SMARCA2: variants seen among roughly 807,000 people sequenced by gnomAD.
The protein encoded by SMARCA2 is SWI/SNF-related matrix-associated actin-dependent regulator of chromatin subfamily A member 2.
Under a neutral mutation model 199.8 loss-of-function variants are expected in SMARCA2, and 61 were observed. The observed-to-expected ratio is 0.31, with a 90% CI of 0.25 to 0.38. SMARCA2 has a LOEUF of 0.38. Among genes scored for constraint, SMARCA2 ranks in the 10% least tolerant of loss-of-function variants. The pLI, the probability that SMARCA2 is intolerant of heterozygous loss-of-function variation, is 1.00. For synonymous variants in SMARCA2, 935 were observed against 732.0 expected, an observed-to-expected ratio of 1.28 and a Z score of -4.48; for missense variants, 1,344 against 2,012.2, an observed-to-expected ratio of 0.67 and a Z score of 6.35.
intron 27 of SMARCA2, among the ~76,000 whole-genome samples, chr9:2,142,571 A>G (rs1347865558): frequency 6.6e-6 from 1 of 152,196 alleles, no homozygotes; most frequent in East Asian, 1.9e-4. Context: ...AGGTCAGTCC[A>G]AACCAATGGC....
intron 27 of SMARCA2, among the ~76,000 whole-genome samples, chr9:2,156,824 C>T (rs1026790488): frequency 1.3e-5 from 2 of 152,146 alleles, no homozygotes; most frequent in Admixed American, 6.6e-5. Context: ...AGAACTTTTC[C>T]GTTATCTCAA....
chr9:2,156,716 C>A (rs7850694), intron 27 of SMARCA2, among the ~76,000 whole-genome samples: 116,764 of 152,036 alleles, frequency 0.77, 45,065 homozygotes, highest in Middle Eastern at 0.82. Context: ...CAGGCATGAG[C>A]CACCGTACCT....
intron 1 of SMARCA2, chr9:2,021,959 C>G (rs1024572449): frequency 6.6e-6 from 1 of 151,714 alleles, no homozygotes; most frequent in African/African-American, 2.4e-5. Flanking sequence ...AAGAAAGCCC[C>G]GAGATCACAG....
chr9:2,185,874 C>A (rs897474641), intron 31 of SMARCA2, among the ~76,000 whole-genome samples: 1 of 152,286 alleles, frequency 6.6e-6, no homozygotes, highest in South Asian at 2.1e-4. Flanking sequence ...AGCATCCATG[C>A]ACTTTGAAAT....
chr9:2,025,522 C>G (rs572675725), intron 1 of SMARCA2, among the ~76,000 whole-genome samples: 18 of 152,288 alleles, frequency 1.2e-4, no homozygotes, highest in Admixed American at 4.6e-4. Context: ...TCTGGGCCCT[C>G]TCCTCCAGCC....
In SMARCA2 at chr9:2,060,907, C is replaced by A; in HGVS notation, c.1613C>A (p.Ala538Asp). The change falls in exon 9 of 34, where the codon GCC becomes GAC. Residue 538 changes from alanine to aspartate, a missense_variant. By Grantham distance (126) the Ala-to-Asp change is moderately radical. Transcript: ENST00000349721. ...YLLQQTDEYV[A>D]NLTNLVWEHK... ...TTGCAGCAGACCGATGAGTATGTAG[C>A]CAATCTGACCAATCTGGTTTGGGAG... The A allele has an allele frequency of 6.2e-7, 1 of 1,614,078 alleles. No homozygotes were observed. Among genetic ancestry groups the A allele is most frequent in the Non-Finnish European group, 8.5e-7 (1 of 1,179,984 alleles).
intron 9 of SMARCA2, chr9:2,069,040 C>T (rs565967345): frequency 1.3e-5 from 2 of 151,918 alleles, no homozygotes; most frequent in East Asian, 4.0e-4. Context: ...CCTCAGCCTC[C>T]TGAGTAGCTG....
chr9:2,087,785 G>A (rs892601190), intron 18 of SMARCA2, among the ~76,000 whole-genome samples: 3 of 152,148 alleles, frequency 2.0e-5, no homozygotes, highest in Admixed American at 6.5e-5. Context: ...GTAAAATTTC[G>A]GTTTGAATTA....
In SMARCA2 at chr9:2,032,972, C is replaced by T. The variant is rs181403075; in HGVS notation, c.246C>T (p.Asp82=). The change falls in exon 3 of 34, where the codon GAC becomes GAT. Residue 82 remains aspartate, a synonymous_variant. Transcript: ENST00000349721. ...TTCAGCCCATCGATGGTATACATGA[C>T]AAGGGGATTGTAGAAGACATCCATT... ...QMHKPIDGIH[D]KGIVEDIHCG... is the part of the protein sequence containing the mutation. 1.8e-4 allele frequency: 283 copies of T among 1,613,828 alleles called. No homozygotes were observed. In the East Asian group the frequency reaches 4.9e-3, roughly 28 times the overall value.
intron 27 of SMARCA2, among the ~76,000 whole-genome samples, chr9:2,151,220 C>A (rs1825057468): frequency 6.6e-6 from 1 of 151,472 alleles, no homozygotes; most frequent in African/African-American, 2.4e-5. Context: ...GCACAGACAG[C>A]AAAGTATGTA....
In SMARCA2 at chr9:2,191,326, G is replaced by C. The variant is rs1827866949; in HGVS notation, c.4655G>C (p.Gly1552Ala). 1 of 1,614,044 alleles carries C rather than the reference G, an allele frequency of 6.2e-7. No individual in the cohort carries two copies. The highest frequency in any genetic ancestry group is 8.5e-7 in the Non-Finnish European group (1 of 1,180,040). Residue 1552 changes from glycine (G) to alanine (A), a missense_variant, in exon 33 of 34, where the codon GGG becomes GCG. Gly to Ala is a moderately conservative substitution (Grantham distance 60). Around this residue, in one of 18 missense-constraint regions of SMARCA2, gnomAD observed 155 missense variants for 121.1 expected, o/e 1.28. Transcript: ENST00000349721. ...AAAGATGACAAAGGCCGGGACAAAG[G>C]GAAAGGCAAGAAAAGGCCAAATCGA... ...NKKDDKGRDK[G>A]KGKKRPNRGK... is the part of the protein sequence containing the mutation.
intron 1 of SMARCA2, among the ~76,000 whole-genome samples, chr9:2,024,213 T>C (rs1249901255): frequency 6.6e-6 from 1 of 152,176 alleles, no homozygotes; most frequent in Non-Finnish European, 1.5e-5. Flanking sequence ...TTTTTTAAAC[T>C]TGAAGGCCTT....
intron 31 of SMARCA2, among the ~76,000 whole-genome samples, chr9:2,185,713 C>T (rs917278961): frequency 6.6e-6 from 1 of 152,182 alleles, no homozygotes; most frequent in East Asian, 1.9e-4. Flanking sequence ...GAATAGCCCC[C>T]ACTTGCTAGG....
intron 27 of SMARCA2, among the ~76,000 whole-genome samples, chr9:2,147,235 A>G (rs1182734626): frequency 8.7e-5 from 9 of 103,848 alleles, no homozygotes; most frequent in Non-Finnish European, 2.0e-5. Context: ...AAATGTACTG[A>G]GTGACCAAAA....
Position 2,182,877 on chromosome 9 carries a change from A to G in SMARCA2, c.4461+635A>G, listed in dbSNP as rs1165502930. 2.0e-5 allele frequency among the ~76,000 whole-genome samples: 3 copies of G among 150,638 alleles called. No homozygotes were observed. The East Asian group carries it at 5.9e-4, about 29-fold the overall frequency. On this transcript the variant is annotated intron_variant, in intron 31 of 33. Coordinates refer to ENST00000349721, the MANE Select transcript of SMARCA2 (RefSeq NM_003070.5). ...ATGATCTCGGCTCACTGCAACTTCC[A>G]CCTCCCTGGTTCAAGGGATTTTCCT...
At chr9:2,138,504 A>G (rs756013253) in intron 27 of SMARCA2, among the ~76,000 whole-genome samples, 4 of 152,206 alleles carry the variant, frequency 2.6e-5, no homozygotes, top group Non-Finnish European at 5.9e-5. Flanking sequence ...GGACCTTTGT[A>G]GAACCTTTTT....
rs1328990736 is a variant in SMARCA2 at position 2,086,996 on chromosome 9, C to T, written c.2694C>T (p.Leu898=). ...AACTCTGGGCCCTCCTCAACTTCCT[C>T]CTCCCAACAATTTTTAAGAGCTGCA... is the stretch of plus-strand genomic sequence containing the variant. ...LPELWALLNF[L]LPTIFKSCST... The change falls in exon 18 of 34, where the codon CTC becomes CTT. Residue 898 remains leucine (L), a synonymous_variant. Transcript: ENST00000349721. The surrounding 1 kb of genome is among the most constrained non-coding windows in gnomAD (Gnocchi z 4.3). 8.7e-6 allele frequency: 14 copies of T among 1,614,068 alleles called. No individual in the cohort carries two copies. Among genetic ancestry groups the T allele is most frequent in the African/African-American group, 1.3e-5 (1 of 74,924 alleles).
intron 31 of SMARCA2, among the ~76,000 whole-genome samples, chr9:2,185,247 A>G (rs1184331510): frequency 2.0e-5 from 3 of 152,312 alleles, no homozygotes; most frequent in South Asian, 2.1e-4. Flanking sequence ...TGCCCATTTT[A>G]GATACTTCGT....
At chr9:2,137,476 C>T (rs965267173) in intron 27 of SMARCA2, among the ~76,000 whole-genome samples, 4 of 152,094 alleles carry the variant, frequency 2.6e-5, no homozygotes, top group Non-Finnish European at 5.9e-5. Flanking sequence ...CCTTCTAGTC[C>T]TTGGCACTTC....
Sources: gnomAD v4.1 joint callset for allele counts (sites outside exome capture counted in the v4.1 genomes callset) on GRCh38, gnomAD v4.1.1 for gene constraint, gnomAD v4.1.1 regional missense constraint, Gnocchi (gnomAD v3.1) non-coding constraint, MANE v1.5 for transcripts, NCBI Gene and HGNC (gene_info 2026-07-23, HGNC 2026-07-21) for gene names.